The following ARID4B variants were observed in gnomAD, a reference collection of about 807,000 sequenced individuals.
The protein encoded by ARID4B is AT-rich interactive domain-containing protein 4B.
ARID4B carries 26 observed loss-of-function variants against 147.5 expected under a neutral mutation model. The observed-to-expected ratio is 0.18, with a 90% confidence interval of 0.13 to 0.24. ARID4B has a LOEUF of 0.24. Ranked by LOEUF, ARID4B falls within the 10% of genes least tolerant of loss-of-function variation. The pLI is 1.00. For synonymous variants in ARID4B, 512 were observed against 507.9 expected (o/e 1.01, Z -0.11); for missense variants, 1,179 against 1,511.5 (o/e 0.78, Z 3.65).
At chr1:235,225,929 G>A (rs1048612754) in intron 11 of ARID4B, among the ~76,000 whole-genome samples, 2 of 152,076 alleles carry the variant, frequency 1.3e-5, no homozygotes, top group Non-Finnish European at 2.9e-5. Flanking sequence ...TGCTAATGAT[G>A]AATCTGTATT....
intron 2 of ARID4B, among the ~76,000 whole-genome samples, chr1:235,278,027 A>AAATGTACACACAC (rs1303178083): frequency 6.6e-6 from 1 of 152,174 alleles, no homozygotes; most frequent in Non-Finnish European, 1.5e-5. Flanking sequence ...CTATTTAAGT[A>AAATGTACACACAC]AATGTACACA....
intron 10 of ARID4B, among the ~76,000 whole-genome samples, chr1:235,230,594 T>TAAAAAAAAAAAAAAAAAAAAAAAA (rs1175996354): frequency 1.7e-5 from 1 of 58,402 alleles, no homozygotes. Context: ...GACTATAAGC[T>TAAAAAAAAAAAAAAAAAAAAAAAA]AAAAAAAAAA....
chr1:235,325,498 A>T (rs1264520417), intron 2 of ARID4B, among the ~76,000 whole-genome samples: 1 of 152,218 alleles, frequency 6.6e-6, no homozygotes, highest in Non-Finnish European at 1.5e-5. Context: ...GGGAAATGTG[A>T]CACATTACAT....
At chr1:235,237,976 C>T (rs569876092) in intron 8 of ARID4B, among the ~76,000 whole-genome samples, 5 of 151,698 alleles carry the variant, frequency 3.3e-5, no homozygotes, top group Non-Finnish European at 5.9e-5. Flanking sequence ...CATGGAGAAA[C>T]GCTGTCTCTA....
At chr1:235,179,942 C>T (rs889988487) in intron 20 of ARID4B, among the ~76,000 whole-genome samples, 5 of 150,890 alleles carry the variant, frequency 3.3e-5, no homozygotes, top group Non-Finnish European at 7.4e-5. Flanking sequence ...TGGTGGCACA[C>T]GCCTGTAGTC....
At chr1:235,260,158 A>C (rs948671983) in intron 3 of ARID4B, among the ~76,000 whole-genome samples, 1 of 152,236 alleles carries the variant, frequency 6.6e-6, no homozygotes. Context: ...AGGAGTCAAC[A>C]ACTAGATGTA....
chr1:235,284,772 T>TA, intron 2 of ARID4B, among the ~76,000 whole-genome samples: 1 of 152,300 alleles, frequency 6.6e-6, no homozygotes, highest in Middle Eastern at 3.4e-3. Context: ...CTCATGCCTA[T>TA]AATCCCAACA....
chr1:235,237,131 C>T (rs1668663006), intron 8 of ARID4B, among the ~76,000 whole-genome samples: 1 of 151,596 alleles, frequency 6.6e-6, no homozygotes, highest in Admixed American at 6.6e-5. Context: ...CCTCGGCCTC[C>T]CAAAGTGCTG....
chr1:235,240,337 C>A lies in ARID4B; in HGVS notation c.561G>T (p.Lys187Asn), dbSNP rs779597314. 2 of 1,613,020 alleles carry A rather than the reference C, an allele frequency of 1.2e-6. 1 individual carries two copies. Among genetic ancestry groups the A allele is most frequent in the South Asian group, 2.2e-5 (2 of 90,942 alleles). ...CCAATGCAGGAAACCACAGTGCTTT[C>A]TTTTTATCCAAACTAATGTAATCTA... ...VCVDYISLDK[K>N]KALWFPALVV... is the part of the protein sequence containing the mutation. The change falls in exon 8 of 24, where the codon AAG becomes AAT. Residue 187 changes from lysine (K) to asparagine (N), a missense_variant. Transcript: ENST00000264183.
At chr1:235,274,698 A>G (rs976857600) in intron 2 of ARID4B, among the ~76,000 whole-genome samples, 2 of 152,226 alleles carry the variant, frequency 1.3e-5, no homozygotes, top group African/African-American at 4.8e-5. Flanking sequence ...ATACACTCAC[A>G]TAGAGGTAAA....
chr1:235,271,055 T>TAA (rs571601261), intron 2 of ARID4B, among the ~76,000 whole-genome samples: 7 of 148,074 alleles, frequency 4.7e-5, no homozygotes, highest in Non-Finnish European at 9.0e-5. Context: ...GAGTTTGATT[T>TAA]AAAAAAAAAA....
intron 16 of ARID4B, among the ~76,000 whole-genome samples, chr1:235,215,567 G>GTGTGTGTGTGTGTGTGTGTGTGTT (rs1667011553): frequency 6.8e-6 from 1 of 147,496 alleles, no homozygotes; most frequent in Non-Finnish European, 1.5e-5. Flanking sequence ...GTGTGTGTGT[G>GTGTGTGTGTGTGTGTGTGTGTGTT]TGTGTGTGTG....
intron 2 of ARID4B, among the ~76,000 whole-genome samples, chr1:235,313,602 C>T (rs866554555): frequency 2.6e-5 from 4 of 152,128 alleles, no homozygotes; most frequent in Non-Finnish European, 5.9e-5. Flanking sequence ...ACATAAAAGG[C>T]TATACAGATG....
chr1:235,221,176 G>C (rs1409314159), intron 14 of ARID4B, among the ~76,000 whole-genome samples: 3 of 152,232 alleles, frequency 2.0e-5, no homozygotes, highest in Non-Finnish European at 1.5e-5. Flanking sequence ...GAAGTTACAG[G>C]CATGAGCCAC....
chr1:235,296,835 A>AAGGAAGGAAGGAAGGG (rs1553313951), intron 2 of ARID4B, among the ~76,000 whole-genome samples: 1 of 19,632 alleles, frequency 5.1e-5, no homozygotes, highest in African/African-American at 1.1e-4. Flanking sequence ...GGAAGGAAGG[A>AAGGAAGGAAGGAAGGG]AGGGAGGAAG....
chr1:235,264,389 T>C (rs1301051981), intron 2 of ARID4B, among the ~76,000 whole-genome samples: 1 of 152,074 alleles, frequency 6.6e-6, no homozygotes, highest in African/African-American at 2.4e-5. Flanking sequence ...ACTGAGGTGG[T>C]CAGATTTGAG....
Position 235,267,907 on chromosome 1 carries a change from AAAAAGAAAAG to A in ARID4B, c.7-7165_7-7156del, listed in dbSNP as rs556485246. Among the ~76,000 whole-genome samples the A allele has an allele frequency of 6.6e-5, 10 of 152,172 alleles. 1 individual carries two copies. The South Asian group carries it at 8.3e-4, about 13-fold the overall frequency. ...TGACGTGAGACTACGTCTCAAAAAA[AAAAAGAAAAG>A]AAAAGAAAAGAAAACCATGCAATAT... On this transcript the variant is annotated intron_variant, in intron 2 of 23. Coordinates refer to ENST00000264183, the MANE Select transcript of ARID4B (RefSeq NM_016374.6).
intron 17 of ARID4B, among the ~76,000 whole-genome samples, chr1:235,199,955 C>T (rs1444540503): frequency 6.6e-6 from 1 of 151,474 alleles, no homozygotes; most frequent in African/African-American, 2.4e-5. Context: ...TACAATACTA[C>T]CCAAGTGTTC....
intron 2 of ARID4B, among the ~76,000 whole-genome samples, chr1:235,319,935 T>C (rs1674705995): frequency 6.6e-6 from 1 of 152,026 alleles, no homozygotes; most frequent in Non-Finnish European, 1.5e-5. Flanking sequence ...GAGACCAGCC[T>C]GGCCAACATG....
Sources: gnomAD v4.1 joint callset for allele counts (sites outside exome capture counted in the v4.1 genomes callset) on GRCh38, gnomAD v4.1.1 for gene constraint, MANE v1.5 for transcripts, NCBI Gene and HGNC (gene_info 2026-07-23, HGNC 2026-07-21) for gene names.